DCP1B: variants seen among roughly 807,000 people sequenced by gnomAD.
DCP1B encodes the protein decapping mRNA 1B.
A neutral mutation model predicts 60.5 loss-of-function variants in DCP1B; 47 were observed. The observed-to-expected ratio is 0.78, with a 90% CI of 0.61 to 0.99. The LOEUF (loss-of-function observed/expected upper bound fraction) is 0.99, where lower values mean the gene tolerates loss of function less well. Among genes scored for constraint, DCP1B ranks in the 50% least tolerant of loss-of-function variants. DCP1B has a pLI of 0.00. For missense variants in DCP1B, 725 were observed against 756.8 expected (o/e 0.96, Z 0.49); for synonymous variants, 267 against 280.3 (o/e 0.95, Z 0.47).
intron 3 of DCP1B, among the ~76,000 whole-genome samples, chr12:1,983,614 A>G (rs2036785864): frequency 6.6e-6 from 1 of 152,060 alleles, no homozygotes; most frequent in African/African-American, 2.4e-5. Flanking sequence ...CTCTTTAAAA[A>G]TTTTTAAGGT....
chr12:1,965,758 C>G, intron 4 of DCP1B, 65 bp from the exon 5 acceptor site: 5 of 1,511,770 alleles, frequency 3.3e-6, no homozygotes, highest in Non-Finnish European at 4.4e-6. Flanking sequence ...TGTTTAAAAC[C>G]ATCCCAATTC....
chr12:1,973,081 T>C (rs564008208), intron 3 of DCP1B, among the ~76,000 whole-genome samples: 89 of 152,344 alleles, frequency 5.8e-4, no homozygotes, highest in African/African-American at 2.0e-3. Flanking sequence ...TTTAAAGTAA[T>C]GTTCTTCCAT....
At chr12:1,993,209 A>C in intron 3 of DCP1B, 55 bp downstream of exon 3, 1 of 1,613,070 alleles carries the variant, frequency 6.2e-7, no homozygotes, top group Non-Finnish European at 8.5e-7. Context: ...TACAATTTTA[A>C]ACACTTGGCC....
intron 5 of DCP1B, among the ~76,000 whole-genome samples, chr12:1,957,138 T>C (rs1308609782): frequency 5.9e-5 from 9 of 152,242 alleles, no homozygotes; most frequent in Admixed American, 5.2e-4. Flanking sequence ...TCCAGTTGTT[T>C]AATTTTGTAT....
At chr12:2,002,396 G>C (rs2042380650) in intron 1 of DCP1B, among the ~76,000 whole-genome samples, 1 of 152,202 alleles carries the variant, frequency 6.6e-6, no homozygotes, top group Non-Finnish European at 1.5e-5. Flanking sequence ...CCACAGCCTT[G>C]AAGATTAGAA....
chr12:2,002,285 G>A (rs1472417497), intron 1 of DCP1B, among the ~76,000 whole-genome samples: 1 of 152,014 alleles, frequency 6.6e-6, no homozygotes, highest in East Asian at 1.9e-4. Context: ...CATTCAAACG[G>A]CTCCCATCCA....
intron 3 of DCP1B, among the ~76,000 whole-genome samples, chr12:1,983,298 A>G (rs542934453): frequency 1.2e-4 from 18 of 150,996 alleles, no homozygotes; most frequent in Non-Finnish European, 2.4e-4. Context: ...GATTTAATAT[A>G]CTCTTCTCCT....
At position 1,952,765 on chromosome 12, in the gene DCP1B, G is replaced by T. The variant is rs1252862773; in HGVS notation, c.1175C>A (p.Thr392Asn). The T allele has an allele frequency of 6.2e-7, 1 of 1,614,208 alleles. No individual in the cohort carries two copies. The highest frequency in any genetic ancestry group is 1.1e-5 in the South Asian group (1 of 91,088). ...LNRSRAPTSV[T>N]PVAPGKGLAQ... The stretch of plus-strand genomic sequence containing the variant: ...CAGACCCTTTCCTGGAGCCACAGGG[G>T]TGACAGAAGTGGGAGCTCTGCTGCG... Residue 392 changes from threonine to asparagine, a missense_variant, in exon 7 of 9, where the codon ACC becomes AAC. Physicochemically the swap from Thr to Asn is moderately conservative, Grantham distance 65 (BLOSUM62 0). Coordinates refer to ENST00000280665, the MANE Select transcript of DCP1B (RefSeq NM_152640.5).
chr12:1,992,304 C>T (rs1477294622), intron 3 of DCP1B: 1 of 155,006 alleles, frequency 6.5e-6, no homozygotes, highest in East Asian at 1.9e-4. Flanking sequence ...TTATATACAG[C>T]ATCATTTTAA....
intron 7 of DCP1B, among the ~76,000 whole-genome samples, chr12:1,951,688 T>C (rs927232035): frequency 6.6e-6 from 1 of 152,246 alleles, no homozygotes. Flanking sequence ...TTTTTGTTTA[T>C]TTCAAGAACC....
In DCP1B at chr12:1,948,640, C is replaced by T. The variant is rs2030534769; in HGVS notation, c.1773+446G>A. Among the ~76,000 whole-genome samples the T allele has an allele frequency of 6.6e-6, 1 of 152,162 alleles. No individual in the cohort carries two copies. Among genetic ancestry groups the T allele is most frequent in the Non-Finnish European group, 1.5e-5 (1 of 68,036 alleles). ...TAAAACATACCTGTAGCAGCCATGG[C>T]CATTATTTGCTTCCCTCCCTGTTTT... On this transcript the variant is annotated intron_variant, in intron 8 of 8. Transcript: ENST00000280665. This position sits in a 1 kb window ranked among gnomAD's most constrained non-coding sequence, Gnocchi z 4.8.
At chr12:2,003,174 T>C (rs2042583804) in intron 1 of DCP1B, among the ~76,000 whole-genome samples, 1 of 152,178 alleles carries the variant, frequency 6.6e-6, no homozygotes, top group African/African-American at 2.4e-5. Flanking sequence ...ATGTTAATGA[T>C]TTTCAGGTGA....
At chr12:1,964,940 ATTCT>A (rs530288148) in intron 5 of DCP1B, among the ~76,000 whole-genome samples, 19 of 151,884 alleles carry the variant, frequency 1.3e-4, no homozygotes, top group Non-Finnish European at 2.5e-4. Flanking sequence ...TTTCCCAGCT[ATTCT>A]TTCTTGCATA....
chr12:1,973,882 A>G (rs1266028806), intron 3 of DCP1B, among the ~76,000 whole-genome samples: 5 of 152,228 alleles, frequency 3.3e-5, no homozygotes, highest in Non-Finnish European at 7.3e-5. Context: ...AATATCATGC[A>G]GGGAGTCCCT....
At chr12:1,979,439 G>A (rs1414228459) in intron 3 of DCP1B, among the ~76,000 whole-genome samples, 2 of 151,816 alleles carry the variant, frequency 1.3e-5, no homozygotes, top group African/African-American at 4.8e-5. Flanking sequence ...GGCCTCCCCA[G>A]TAGCTGGGAT....
chr12:1,965,463 G>C, intron 5 of DCP1B, 95 bp downstream of exon 5: 1 of 1,328,454 alleles, frequency 7.5e-7, no homozygotes, highest in African/African-American at 1.5e-5. Flanking sequence ...TTTGGTGGAA[G>C]GAACAGCATC....
At chr12:1,949,358 A>G in intron 7 of DCP1B, 24 bp from the exon 8 acceptor site, 1 of 1,608,206 alleles carries the variant, frequency 6.2e-7, no homozygotes. Flanking sequence ...ATACACACAG[A>G]GAGCGGGGTT....
rs756411132 is a variant in DCP1B at position 1,952,503 on chromosome 12, C to T, written c.1437G>A (p.Val479=). 1 of 1,614,170 alleles carries T rather than the reference C, an allele frequency of 6.2e-7. No homozygotes were observed. The highest frequency in any genetic ancestry group is 2.2e-5 in the East Asian group (1 of 44,888). The change falls in exon 7 of 9, where the codon GTG becomes GTA. Residue 479 remains valine (V), a synonymous_variant. Transcript: ENST00000280665. Reference sequence around the variant, plus strand: ...TCCCTGTTCCAGAGCTCTGAGCGAGCACAGGAAACTTAGCGGCCAAGGCTG... The same window carrying T: ...TCCCTGTTCCAGAGCTCTGAGCGAGTACAGGAAACTTAGCGGCCAAGGCTG... The part of the protein sequence containing the change: ...NRPALAAKFP[V]LAQSSGTGKP...
At chr12:1,946,424 T>C (rs2030426139) in intron 8 of DCP1B, 138 bp from the exon 9 acceptor site, 3 of 615,930 alleles carry the variant, frequency 4.9e-6, no homozygotes, top group Admixed American at 3.6e-5. Context: ...TGGTTTTTAA[T>C]TGCATGTGTG....
Sources: allele counts gnomAD v4.1 joint callset (sites outside exome capture counted in the v4.1 genomes callset), GRCh38; gene constraint gnomAD v4.1.1; non-coding constraint Gnocchi (gnomAD v3.1); transcripts MANE v1.5; gene names NCBI Gene and HGNC (gene_info 2026-07-23, HGNC 2026-07-21).